The following POTEE variants were observed in gnomAD, a reference collection of about 807,000 sequenced individuals.
POTEE encodes the protein ANKRD26-like family C member 1A.
A neutral mutation model predicts 74.2 loss-of-function variants in POTEE; 21 were observed. The observed-to-expected ratio is 0.28, with a 90% CI of 0.20 to 0.41. The LOEUF (loss-of-function observed/expected upper bound fraction) is 0.41. POTEE is among the 10% of genes least tolerant of loss of function. POTEE has a pLI of 1.00. For missense variants in POTEE, 525 were observed against 1,158.6 expected, an observed-to-expected ratio of 0.45 and a Z score of 7.94; for synonymous variants, 211 against 432.8, an observed-to-expected ratio of 0.49 and a Z score of 6.36.
At position 131,243,765 on chromosome 2, in the gene POTEE, G is replaced by GGC. The variant is rs1701300863; in HGVS notation, c.1410-1641_1410-1640dup. On this transcript the variant is annotated intron_variant, in intron 12 of 17. Coordinates refer to ENST00000683005, the MANE Select transcript of POTEE (RefSeq NM_001083538.3). ...CGCCTGTAGTCCCAGCTGCTATGGA[G>GGC]GCTGAGGCAGGAGAATGGCATGAAC... Among the ~76,000 whole-genome samples, 5 of 138,994 alleles carry GGC rather than the reference G, an allele frequency of 3.6e-5. No homozygotes were observed. The South Asian group carries it at 1.3e-3, about 36-fold the overall frequency. The allele number at this position is 138,994 out of a possible 152,430, so 91.2% of individuals were successfully genotyped here.
chr2:131,242,954 TA>T (rs1266879667), intron 12 of POTEE, among the ~76,000 whole-genome samples: 3 of 91,112 alleles, frequency 3.3e-5, no homozygotes, highest in Admixed American at 1.1e-4. Flanking sequence ...CCTCCTAGCT[TA>T]ACTCTTTCCA....
rs1701817889 is a variant in POTEE, at chr2:131,264,010, T to G, written c.2555T>G (p.Val852Gly). Reference protein sequence around the residue: ...LYTSGRTTGIVMDSGDGVTHT... With the variant: ...LYTSGRTTGIGMDSGDGVTHT... ...ACCTCTGGCCGTACTACTGGCATCG[T>G]GATGGACTCTGGTGACGGGGTCACC... The change falls in exon 18 of 18, where the codon GTG becomes GGG. Residue 852 changes from valine (V) to glycine (G), a missense_variant. By Grantham distance (109) the Val-to-Gly change is moderately radical. Coordinates refer to ENST00000683005, the MANE Select transcript of POTEE (RefSeq NM_001083538.3). 1 of 1,614,228 alleles carries G rather than the reference T, an allele frequency of 6.2e-7. No homozygotes were observed.
At chr2:131,209,902 G>T in intron 1 of POTEE, among the ~76,000 whole-genome samples, 83 bp downstream of exon 1, 1 of 150,946 alleles carries the variant, frequency 6.6e-6, no homozygotes, top group Admixed American at 6.6e-5. Context: ...AGGCTGCACT[G>T]CCTGTGTCAG....
intron 2 of POTEE, among the ~76,000 whole-genome samples, chr2:131,214,194 A>T (rs2105059378): frequency 6.6e-6 from 1 of 152,382 alleles, no homozygotes; most frequent in Non-Finnish European, 1.5e-5. Context: ...CTTTAAGCAG[A>T]CAGGTCCCTC....
intron 17 of POTEE, among the ~76,000 whole-genome samples, chr2:131,262,732 T>G (rs1701748425): frequency 6.6e-6 from 1 of 152,264 alleles, no homozygotes; most frequent in Non-Finnish European, 1.5e-5. Context: ...AGAAGAGCAA[T>G]GCCTAGATAC....
At chr2:131,220,468 T>C (rs1204457972) in intron 4 of POTEE, among the ~76,000 whole-genome samples, 1 of 151,538 alleles carries the variant, frequency 6.6e-6, no homozygotes, top group Admixed American at 6.5e-5. Context: ...CTTCCCCAAG[T>C]GCTGGGGTTA....
At chr2:131,216,073 C>T (rs1700436441) in intron 2 of POTEE, among the ~76,000 whole-genome samples, 1 of 151,908 alleles carries the variant, frequency 6.6e-6, no homozygotes, top group African/African-American at 2.4e-5. Flanking sequence ...TAAGGTAATT[C>T]CATTTATAAT....
intron 4 of POTEE, among the ~76,000 whole-genome samples, chr2:131,222,999 A>G (rs1700670369): frequency 6.6e-6 from 1 of 151,804 alleles, no homozygotes; most frequent in African/African-American, 2.4e-5. Flanking sequence ...ATAGTAAATC[A>G]TGAATTGTAA....
At chr2:131,233,773 A>G (rs1468141063) in intron 9 of POTEE, among the ~76,000 whole-genome samples, 2 of 150,700 alleles carry the variant, frequency 1.3e-5, no homozygotes, top group African/African-American at 5.0e-5. Flanking sequence ...GGTATCGTCA[A>G]TATGATTTAG....
chr2:131,262,662 T>C (rs1701745033), intron 17 of POTEE, among the ~76,000 whole-genome samples: 1 of 151,592 alleles, frequency 6.6e-6, no homozygotes, highest in South Asian at 2.1e-4. Flanking sequence ...TGCATCTGTG[T>C]ATATTTTTTG....
chr2:131,224,179 C>G lies in POTEE; in HGVS notation c.810+136C>G, dbSNP rs1397695383. 7 of 1,273,210 alleles carry G rather than the reference C, an allele frequency of 5.5e-6. No homozygotes were observed. The Admixed American group carries it at 1.1e-4, about 20-fold the overall frequency. 78.9% of individuals were successfully genotyped at this position (1,273,210 alleles called of 1,614,324 possible). A position where few individuals can be genotyped will look rare whatever the true frequency, so the allele number is the denominator to read the frequency against. Reference sequence around the variant, plus strand: ...AAATATTTTGAAATGACCTAATTATCTAAGACTTCATTTTAAATATTGTTA... The same window carrying G: ...AAATATTTTGAAATGACCTAATTATGTAAGACTTCATTTTAAATATTGTTA... On this transcript the variant is annotated intron_variant, in intron 6 of 17. Transcript: ENST00000683005.
At chr2:131,223,169 T>C (rs545959892) in intron 4 of POTEE, among the ~76,000 whole-genome samples, 117 of 149,190 alleles carry the variant, frequency 7.8e-4, no homozygotes, top group African/African-American at 2.8e-3. Flanking sequence ...AATTAAAATA[T>C]CTAACAATTA....
intron 16 of POTEE, among the ~76,000 whole-genome samples, chr2:131,254,041 C>T (rs1370918484): frequency 2.0e-5 from 3 of 152,130 alleles, no homozygotes; most frequent in Non-Finnish European, 4.4e-5. Flanking sequence ...GTAATATCTG[C>T]TGTGTTGCAA....
intron 10 of POTEE, among the ~76,000 whole-genome samples, chr2:131,237,174 C>A (rs1215978273): frequency 4.7e-5 from 7 of 150,226 alleles, no homozygotes; most frequent in Non-Finnish European, 1.5e-5. Context: ...TTTTACAACA[C>A]CCGAACATGA....
At chr2:131,256,647 T>C (rs372548700) in intron 16 of POTEE, among the ~76,000 whole-genome samples, 14 of 117,290 alleles carry the variant, frequency 1.2e-4, no homozygotes, top group Middle Eastern at 3.6e-3. Flanking sequence ...TCCCCAGATA[T>C]TCTTCTAGCT....
rs530671463 is a variant in POTEE at position 131,218,192 on chromosome 2, G to C, written c.-93-118G>C. On this transcript the variant is annotated intron_variant, in intron 3 of 17. Transcript: ENST00000683005. ...CTGGGGTGGGCGTGGGGTCGCCCAG[G>C]GGGGGCGTGGGCTTTCCTCGGGTGG... is the stretch of plus-strand genomic sequence containing the variant. 2,043 of 938,944 alleles carry C rather than the reference G, an allele frequency of 2.2e-3. 1 individual carries two copies. Among genetic ancestry groups the C allele is most frequent in the African/African-American group, 0.017 (1,010 of 59,646 alleles). The allele number at this position is 938,944 out of a possible 1,614,324, so 58.2% of individuals were successfully genotyped here.
At chr2:131,222,790 G>T (rs1328212335) in intron 4 of POTEE, among the ~76,000 whole-genome samples, 3 of 151,972 alleles carry the variant, frequency 2.0e-5, no homozygotes, top group Admixed American at 6.5e-5. Flanking sequence ...GTTTATTTTA[G>T]AAATTTGTTT....
chr2:131,211,037 G>C lies in POTEE; in HGVS notation c.-335G>C, dbSNP rs984140597. ...CTGCATCCCATTCTAGGCTTTTCTGGCTTTGCCGGTCTAGCTGCTCCAAGC... is the reference window on the plus strand; with the variant it reads ...CTGCATCCCATTCTAGGCTTTTCTGCCTTTGCCGGTCTAGCTGCTCCAAGC... On this transcript the variant is annotated 5_prime_UTR_variant, in exon 2 of 18. Coordinates refer to ENST00000683005, the MANE Select transcript of POTEE (RefSeq NM_001083538.3). 1.3e-5 allele frequency among the ~76,000 whole-genome samples: 2 copies of C among 150,600 alleles called. No homozygotes were observed. The highest frequency in any genetic ancestry group is 5.0e-5 in the African/African-American group (2 of 39,964).
chr2:131,226,724 G>A (rs1700790635), intron 6 of POTEE, 99 bp from the exon 7 acceptor site: 2 of 1,558,168 alleles, frequency 1.3e-6, no homozygotes, highest in African/African-American at 2.8e-5. Flanking sequence ...TACTTTCTAT[G>A]CGTGTAAGTC....
Sources: allele counts gnomAD v4.1 joint callset (sites outside exome capture counted in the v4.1 genomes callset), GRCh38; gene constraint gnomAD v4.1.1; transcripts MANE v1.5; gene names NCBI Gene and HGNC (gene_info 2026-07-23, HGNC 2026-07-21).